The following CDH26 variants were observed in gnomAD, a reference collection of about 807,000 sequenced individuals.
The protein encoded by CDH26 is cadherin 26.
CDH26 carries 83 observed loss-of-function variants against 90.3 expected under a neutral mutation model. The ratio of observed to expected loss-of-function variants is 0.92; its 90% CI spans 0.77 to 1.10. The LOEUF (loss-of-function observed/expected upper bound fraction) is 1.10. Ranked by LOEUF, CDH26 falls within the 50% of genes least tolerant of loss-of-function variation. CDH26 has a pLI of 0.00. For synonymous variants in CDH26, 397 were observed against 396.3 expected, an observed-to-expected ratio of 1.00 and a Z score of -0.02; for missense variants, 1,013 against 1,037.6, an observed-to-expected ratio of 0.98 and a Z score of 0.33.
chr20:60,015,688 GT>G (rs34788658), downstream of CDH26, among the ~76,000 whole-genome samples: 1 of 152,072 alleles, frequency 6.6e-6, no homozygotes, highest in African/African-American at 2.4e-5. Flanking sequence ...TTACTCATAA[GT>G]TTTTTTACAA....
chr20:60,006,831 G>C lies in CDH26; in HGVS notation c.2295+44G>C. 2.1e-6 allele frequency: 3 copies of C among 1,437,338 alleles called. No homozygotes were observed. The East Asian group carries it at 6.8e-5, about 33-fold the overall frequency. 89.0% of individuals were successfully genotyped at this position (1,437,338 alleles called of 1,614,324 possible). A position where few individuals can be genotyped will look rare whatever the true frequency, so the allele number is the denominator to read the frequency against. ...GTGCTGTGCACTAGCTATGGGTTTT[G>C]CATCCCCACTGTGCTCCAGGCTTGA... is the stretch of plus-strand genomic sequence containing the variant. On this transcript the variant is annotated intron_variant, in intron 17 of 17. Coordinates refer to ENST00000348616, the MANE Select transcript of CDH26 (RefSeq NM_177980.4).
At position 59,984,624 on chromosome 20, in the gene CDH26, A is replaced by G. The variant is rs1183501142; in HGVS notation, c.542-15A>G. ...CCTTTATCTGATAGTAACAATTTTTAAAAATTCTTTCTAGGGCAACCTATT... is the reference window on the plus strand; with the variant it reads ...CCTTTATCTGATAGTAACAATTTTTGAAAATTCTTTCTAGGGCAACCTATT... On this transcript the variant is annotated splice_polypyrimidine_tract_variant and intron_variant, in intron 5 of 17. Transcript: ENST00000348616. 1.4e-5 allele frequency: 22 copies of G among 1,600,762 alleles called. No individual in the cohort carries two copies. The highest frequency in any genetic ancestry group is 1.7e-5 in the Non-Finnish European group (20 of 1,175,402).
At chr20:59,960,947 C>T (rs1233508295) in intron 1 of CDH26, among the ~76,000 whole-genome samples, 13 of 152,144 alleles carry the variant, frequency 8.5e-5, no homozygotes, top group Admixed American at 8.5e-4. Context: ...TGGGAATACA[C>T]CAATAAACAT....
At chr20:60,031,388 C>A in exon 8 of CDH26, 1 of 1,230,068 alleles carries the variant, frequency 8.1e-7, no homozygotes, top group African/African-American at 1.6e-5. Context: ...TTGGCTCGAA[C>A]ACCCTCTTTC....
chr20:59,969,084 C>G, intron 2 of CDH26, 61 bp downstream of exon 2: 1 of 1,070,604 alleles, frequency 9.3e-7, no homozygotes, highest in South Asian at 1.4e-5. Flanking sequence ...GACTTAGAGA[C>G]AGAATTGCAG....
At chr20:59,962,506 C>T (rs1009999040) in intron 1 of CDH26, among the ~76,000 whole-genome samples, 2 of 152,182 alleles carry the variant, frequency 1.3e-5, no homozygotes, top group South Asian at 2.1e-4. Context: ...CCCTTTGTGT[C>T]TGTGTTTTCC....
At chr20:60,006,104 T>C (rs181320621) in intron 16 of CDH26, among the ~76,000 whole-genome samples, 373 of 152,366 alleles carry the variant, frequency 2.4e-3, no homozygotes, top group Non-Finnish European at 4.2e-3. Flanking sequence ...TCTTGGGTGC[T>C]TGCCTTGCAC....
chr20:60,006,851 G>A lies in CDH26; in HGVS notation c.2295+64G>A, dbSNP rs1006373251. The stretch of plus-strand genomic sequence containing the variant: ...GTTTTGCATCCCCACTGTGCTCCAG[G>A]CTTGATTTGGGGACACTTCCTCCTA... On this transcript the variant is annotated intron_variant, in intron 17 of 17. Transcript: ENST00000348616. The A allele has an allele frequency of 4.0e-6, 5 of 1,259,446 alleles. No homozygotes were observed. The East Asian group carries it at 1.2e-4, about 29-fold the overall frequency. The allele number at this position is 1,259,446 out of a possible 1,614,324, so 78.0% of individuals were successfully genotyped here.
At chr20:59,986,344 T>G (rs1392999510) in intron 7 of CDH26, among the ~76,000 whole-genome samples, 13 of 152,228 alleles carry the variant, frequency 8.5e-5, no homozygotes. Flanking sequence ...TAAGATGGTT[T>G]GGGATGGGTG....
intron 7 of CDH26, among the ~76,000 whole-genome samples, chr20:60,025,109 C>G (rs2061986164): frequency 6.6e-6 from 1 of 152,192 alleles, no homozygotes; most frequent in African/African-American, 2.4e-5. Context: ...GCCTGGATCC[C>G]CAAACTTTTA....
intron 7 of CDH26, among the ~76,000 whole-genome samples, chr20:60,021,323 C>T (rs1692363695): frequency 6.6e-6 from 1 of 152,172 alleles, no homozygotes; most frequent in South Asian, 2.1e-4. Flanking sequence ...GGCACACAAC[C>T]ATGCTCATTT....
At position 59,996,903 on chromosome 20, in the gene CDH26, T is replaced by TG. The variant is rs2061605619; in HGVS notation, c.2019+143dup. ...TCAGTAGCAAGTGGGAAAAAATTCTTGCAAATACTATCTAACTCAGATAAA... is the reference window on the plus strand; with the variant it reads ...TCAGTAGCAAGTGGGAAAAAATTCTTGGCAAATACTATCTAACTCAGATAAA... On this transcript the variant is annotated intron_variant, in intron 13 of 17. Transcript: ENST00000348616. The TG allele has an allele frequency of 2.9e-6, 3 of 1,033,878 alleles. No homozygotes were observed. In the East Asian group the frequency reaches 7.2e-5, roughly 25 times the overall value. 64.0% of individuals were successfully genotyped at this position (1,033,878 alleles called of 1,614,324 possible). A position where few individuals can be genotyped will look rare whatever the true frequency, so the allele number is the denominator to read the frequency against.
At chr20:60,018,999 G>A (rs2061930810), downstream of CDH26, among the ~76,000 whole-genome samples, 1 of 151,768 alleles carries the variant, frequency 6.6e-6, no homozygotes, top group African/African-American at 2.4e-5. Context: ...TTATAGTCTG[G>A]CAAGTTTTGT....
intron 9 of CDH26, among the ~76,000 whole-genome samples, chr20:59,990,106 A>G (rs146656752): frequency 6.6e-6 from 1 of 152,336 alleles, no homozygotes; most frequent in Admixed American, 6.5e-5. Context: ...AAGCAGAATC[A>G]TACAACATTT....
chr20:60,009,530 C>T (rs114543813), intron 17 of CDH26, among the ~76,000 whole-genome samples: 2,716 of 152,284 alleles, frequency 0.018, 42 homozygotes, highest in Non-Finnish European at 0.026. Flanking sequence ...AGGAGAGGGA[C>T]GTGTTCCAGC....
chr20:60,021,897 C>CACACATATATATATAT (rs1295572684), intron 7 of CDH26, among the ~76,000 whole-genome samples: 7 of 78,936 alleles, frequency 8.9e-5, no homozygotes, highest in Non-Finnish European at 1.8e-4. Flanking sequence ...CACACACACA[C>CACACATATATATATAT]ATATATATAT....
intron 13 of CDH26, among the ~76,000 whole-genome samples, chr20:59,998,072 T>C (rs554776908): frequency 6.6e-6 from 1 of 152,330 alleles, no homozygotes; most frequent in East Asian, 1.9e-4. Flanking sequence ...GCATCCCAAA[T>C]GTGAGAGCAG....
At chr20:60,012,015 G>A (rs977016958) in intron 17 of CDH26, among the ~76,000 whole-genome samples, 4 of 152,122 alleles carry the variant, frequency 2.6e-5, no homozygotes, top group African/African-American at 9.7e-5. Flanking sequence ...GGTGAGAAAG[G>A]GGTGGCAGGA....
rs1228081581 is a variant in CDH26, at chr20:60,033,362, G to A, written c.1144-124G>A. 4 of 1,190,122 alleles carry A rather than the reference G, an allele frequency of 3.4e-6. No homozygotes were observed. In the African/African-American group the frequency reaches 4.8e-5, roughly 14 times the overall value. The allele number at this position is 1,190,122 out of a possible 1,614,324, so 73.7% of individuals were successfully genotyped here. On this transcript the variant is annotated intron_variant, in intron 8 of 8. Coordinates refer to the CDH26 transcript ENST00000370991. Reference sequence around the variant, plus strand: ...TTAACCTCCTTCGTGTACACAGGCTGCCTTCCTTCATGCATACATGCACGT... The same window carrying A: ...TTAACCTCCTTCGTGTACACAGGCTACCTTCCTTCATGCATACATGCACGT...
Sources: allele counts gnomAD v4.1 joint callset (sites outside exome capture counted in the v4.1 genomes callset), GRCh38; gene constraint gnomAD v4.1.1; transcripts MANE v1.5; gene names NCBI Gene and HGNC (gene_info 2026-07-23, HGNC 2026-07-21).